The following TMEM116 variants were observed in gnomAD, a reference collection of about 807,000 sequenced individuals.
TMEM116 encodes the protein transmembrane protein 116.
TMEM116 carries 38 observed loss-of-function variants against 44.3 expected under a neutral mutation model. That is an observed-to-expected ratio of 0.86 (90% confidence interval 0.66 to 1.12). The LOEUF (loss-of-function observed/expected upper bound fraction) is 1.12. Ranked by LOEUF, TMEM116 falls within the 50% of genes most tolerant of loss-of-function variation. The pLI is 0.00. For missense variants in TMEM116, 354 were observed against 401.7 expected, an observed-to-expected ratio of 0.88 and a Z score of 1.01; for synonymous variants, 132 against 144.8, an observed-to-expected ratio of 0.91 and a Z score of 0.64.
intron 4 of TMEM116, among the ~76,000 whole-genome samples, chr12:111,972,195 A>G (rs892797396): frequency 2.0e-5 from 3 of 152,090 alleles, no homozygotes; most frequent in African/African-American, 7.2e-5. Context: ...TAGTAATCAA[A>G]AGAAAGCTGA....
At chr12:111,971,962 C>A (rs2136461761) in intron 4 of TMEM116, among the ~76,000 whole-genome samples, 1 of 150,674 alleles carries the variant, frequency 6.6e-6, no homozygotes, top group East Asian at 1.9e-4. Flanking sequence ...GTAGTCCTAC[C>A]AACTTAAGGA....
intron 4 of TMEM116, among the ~76,000 whole-genome samples, chr12:111,985,798 T>A (rs1427686945): frequency 6.6e-6 from 1 of 152,058 alleles, no homozygotes; most frequent in African/African-American, 2.4e-5. Flanking sequence ...GGTCTCGCCA[T>A]GTTGCCCAGG....
At chr12:111,956,972 C>T (rs2074153541) in intron 4 of TMEM116, among the ~76,000 whole-genome samples, 2 of 151,550 alleles carry the variant, frequency 1.3e-5, no homozygotes, top group African/African-American at 4.9e-5. Context: ...CCTGGCCGCC[C>T]ATCGTCTGTG....
At chr12:111,990,917 C>A (rs2076524966) in intron 4 of TMEM116, among the ~76,000 whole-genome samples, 3 of 152,050 alleles carry the variant, frequency 2.0e-5, no homozygotes, top group South Asian at 4.2e-4. Context: ...ATAATAAAAA[C>A]AGGTTATAAA....
intron 3 of TMEM116, among the ~76,000 whole-genome samples, chr12:111,995,457 T>A (rs187222867): frequency 6.6e-6 from 1 of 152,076 alleles, no homozygotes; most frequent in Admixed American, 6.6e-5. Flanking sequence ...AAAAAATCAG[T>A]TCTAGGACGG....
rs1378197843 is a variant in TMEM116 at position 111,937,086 on chromosome 12, C to CT, written c.449+73dup. The CT allele has an allele frequency of 1.4e-5, 19 of 1,390,698 alleles. No homozygotes were observed. In the Admixed American group the frequency reaches 3.3e-4, roughly 24 times the overall value. The allele number at this position is 1,390,698 out of a possible 1,614,324, so 86.1% of individuals were successfully genotyped here. ...CTTTGGTCAGAATTATGTGGAAAGT[C>CT]TTTTTCCAGCTCTATTTATAGAAAC... On this transcript the variant is annotated intron_variant, in intron 7 of 10. Coordinates refer to ENST00000552374, the MANE Select transcript of TMEM116 (RefSeq NM_001193531.2).
At chr12:111,966,680 C>A (rs190067095) in intron 4 of TMEM116, among the ~76,000 whole-genome samples, 111 of 152,306 alleles carry the variant, frequency 7.3e-4, no homozygotes, top group Non-Finnish European at 1.2e-3. Flanking sequence ...CAGGGCACTT[C>A]TTACTATTTC....
chr12:111,940,226 T>C (rs1038679053), intron 5 of TMEM116, among the ~76,000 whole-genome samples: 9 of 151,578 alleles, frequency 5.9e-5, no homozygotes, highest in East Asian at 3.9e-4. Context: ...TGAGTCAAGA[T>C]TGCACCACTG....
intron 4 of TMEM116, among the ~76,000 whole-genome samples, chr12:111,948,381 G>C (rs79520091): frequency 0.015 from 2,344 of 152,262 alleles, 71 homozygotes; most frequent in African/African-American, 0.053. Context: ...TCTAAACAAA[G>C]GGCTAGAATA....
intron 1 of TMEM116, chr12:112,010,284 A>G (rs1341471410): frequency 6.6e-6 from 1 of 152,124 alleles, no homozygotes; most frequent in Admixed American, 6.6e-5. Flanking sequence ...TCTAATTTCT[A>G]TCACTTGTCT....
chr12:111,941,926 C>CATTTT (rs2072856366), intron 5 of TMEM116, among the ~76,000 whole-genome samples: 1 of 152,014 alleles, frequency 6.6e-6, no homozygotes, highest in Non-Finnish European at 1.5e-5. Flanking sequence ...ACTAACATTT[C>CATTTT]ATTTTATTTT....
Position 111,934,093 on chromosome 12 carries a change from C to T in TMEM116, c.589-63G>A, listed in dbSNP as rs192378242. On this transcript the variant is annotated intron_variant, in intron 8 of 10. Coordinates refer to ENST00000552374, the MANE Select transcript of TMEM116 (RefSeq NM_001193531.2). ...CTTAGTAAAATGCCCCAGGTCTATC[C>T]TCCTATCATTTTAAAAAGATTATTC... The T allele has an allele frequency of 8.5e-6, 13 of 1,537,000 alleles. 1 individual carries two copies. The Admixed American group carries it at 1.3e-4, about 15-fold the overall frequency.
chr12:111,981,125 A>C lies in TMEM116; in HGVS notation c.210+10633T>G, dbSNP rs567402528. On this transcript the variant is annotated intron_variant, in intron 4 of 10. Transcript: ENST00000552374. ...CTTTAAATGTTTGCCATTATACCTC[A>C]ATTAAGCTGTTTAAAAAATAAACAA... Among the ~76,000 whole-genome samples the C allele has an allele frequency of 8.5e-4, 130 of 152,260 alleles. 1 individual carries two copies. The highest frequency in any genetic ancestry group is 1.2e-3 in the Non-Finnish European group (84 of 68,028).
In TMEM116 at chr12:111,943,130, C is replaced by T. The variant is rs1012950267; in HGVS notation, c.315+135G>A. On this transcript the variant is annotated intron_variant, in intron 5 of 10. Transcript: ENST00000552374. ...TGTAGAGATGGGCTTTCACCACTTG[C>T]CCAGACTGGCCTCGAATTCCTGGGC... The T allele has an allele frequency of 7.0e-6, 5 of 714,332 alleles. No homozygotes were observed. The African/African-American group carries it at 7.1e-5, about 10-fold the overall frequency. The allele number at this position is 714,332 out of a possible 1,614,324, so 44.2% of individuals were successfully genotyped here.
chr12:111,977,635 G>A (rs1410412584), intron 4 of TMEM116, among the ~76,000 whole-genome samples: 4 of 151,872 alleles, frequency 2.6e-5, no homozygotes, highest in Non-Finnish European at 4.4e-5. Flanking sequence ...ATCAGAGAAG[G>A]AATAAATAAA....
intron 4 of TMEM116, among the ~76,000 whole-genome samples, chr12:111,943,697 G>A (rs2073041808): frequency 6.6e-6 from 1 of 152,094 alleles, no homozygotes; most frequent in South Asian, 2.1e-4. Flanking sequence ...ACTACGCCCC[G>A]CTAATTTTAT....
At chr12:112,003,411 A>T (rs1160260383) in intron 3 of TMEM116, among the ~76,000 whole-genome samples, 2 of 152,130 alleles carry the variant, frequency 1.3e-5, no homozygotes, top group Non-Finnish European at 2.9e-5. Context: ...TACCAAAAAT[A>T]CAAAAAATTA....
intron 4 of TMEM116, among the ~76,000 whole-genome samples, chr12:111,946,443 A>AACAAACGGATGGGCCAC (rs1205391332): frequency 2.6e-5 from 4 of 152,264 alleles, no homozygotes; most frequent in Non-Finnish European, 4.4e-5. Context: ...GGATGGGCCA[A>AACAAACGGATGGGCCAC]AACAAAGAGA....
chr12:111,992,459 T>A (rs373231097), intron 3 of TMEM116, among the ~76,000 whole-genome samples: 91 of 152,092 alleles, frequency 6.0e-4, no homozygotes, highest in African/African-American at 2.2e-3. Context: ...TTAGTAGAGA[T>A]GGGGTTTCAC....
Sources: allele counts gnomAD v4.1 joint callset (sites outside exome capture counted in the v4.1 genomes callset), GRCh38; gene constraint gnomAD v4.1.1; transcripts MANE v1.5; gene names NCBI Gene and HGNC (gene_info 2026-07-23, HGNC 2026-07-21).